The following TENM3 variants were observed in gnomAD, a reference collection of about 807,000 sequenced individuals.
The protein encoded by TENM3 is teneurin-3.
Under a neutral mutation model 255.1 loss-of-function variants are expected in TENM3, and 63 were observed. The observed-to-expected ratio is 0.25, with a 90% CI of 0.20 to 0.30. TENM3 has a LOEUF of 0.30. Ranked by LOEUF, TENM3 falls within the 10% of genes least tolerant of loss-of-function variation. The pLI is 1.00. For missense variants in TENM3, 2,929 were observed against 3,461.1 expected (o/e 0.85, Z 3.86); for synonymous variants, 1,306 against 1,322.3 (o/e 0.99, Z 0.27).
At chr4:181,826,989 G>C in the TENM3 span, among the ~76,000 whole-genome samples, 40 of 152,258 alleles carry the variant, frequency 2.6e-4, 1 homozygote, top group South Asian at 7.5e-3. Context: ...TCAGAACCAG[G>C]AGGCTATGCT....
chr4:182,705,088 G>A (rs1268144572), intron 12 of TENM3, among the ~76,000 whole-genome samples: 1 of 152,168 alleles, frequency 6.6e-6, no homozygotes, highest in Non-Finnish European at 1.5e-5. Flanking sequence ...CAGCAGTTAA[G>A]GAACATCAAA....
intron 1 of TENM3, among the ~76,000 whole-genome samples, chr4:182,186,353 A>G (rs1753150694): frequency 6.6e-6 from 1 of 152,174 alleles, no homozygotes; most frequent in Non-Finnish European, 1.5e-5. Flanking sequence ...TGTTTAAAAT[A>G]TATAAAATAT....
chr4:181,909,465 C>G, the TENM3 span, among the ~76,000 whole-genome samples: 1 of 152,212 alleles, frequency 6.6e-6, no homozygotes, highest in African/African-American at 2.4e-5. Context: ...TCACCTTGGG[C>G]AAATCATCAG....
chr4:182,584,861 C>G (rs559821253), intron 3 of TENM3, among the ~76,000 whole-genome samples: 1 of 152,002 alleles, frequency 6.6e-6, no homozygotes, highest in Non-Finnish European at 1.5e-5. Context: ...AGGCCGGTCT[C>G]GATCTCCTGA....
chr4:182,376,799 G>A (rs1192097713), intron 3 of TENM3, among the ~76,000 whole-genome samples: 2 of 151,888 alleles, frequency 1.3e-5, no homozygotes, highest in Admixed American at 1.3e-4. Context: ...TTTTACCTGG[G>A]TTGAATCAGA....
At chr4:181,740,213 A>G in the TENM3 span, among the ~76,000 whole-genome samples, 1 of 152,320 alleles carries the variant, frequency 6.6e-6, no homozygotes, top group South Asian at 2.1e-4. Flanking sequence ...TATGGACAGA[A>G]CCGTTTGCTA....
At chr4:182,728,850 A>G (rs1397453274) in intron 13 of TENM3, 115 bp from the exon 14 acceptor site, 2 of 741,710 alleles carry the variant, frequency 2.7e-6, no homozygotes, top group African/African-American at 3.7e-5. Flanking sequence ...ACTATCAGAT[A>G]GTCGGGAGAA....
At chr4:182,011,466 A>G in the TENM3 span, among the ~76,000 whole-genome samples, 1 of 152,270 alleles carries the variant, frequency 6.6e-6, no homozygotes, top group African/African-American at 2.4e-5. Flanking sequence ...CCCACATCCA[A>G]TTTTGCTTCA....
the TENM3 span, among the ~76,000 whole-genome samples, chr4:181,650,231 T>C: frequency 2.0e-5 from 3 of 152,324 alleles, no homozygotes; most frequent in East Asian, 3.9e-4. Flanking sequence ...AAGACCTACA[T>C]GAGTCAGCAA....
chr4:181,880,349 AAT>A, the TENM3 span, among the ~76,000 whole-genome samples: 1 of 152,246 alleles, frequency 6.6e-6, no homozygotes, highest in Non-Finnish European at 1.5e-5. Flanking sequence ...AATATTAACA[AAT>A]ATGTAAATAT....
chr4:182,551,284 A>G (rs1741984400), intron 3 of TENM3, among the ~76,000 whole-genome samples: 1 of 151,992 alleles, frequency 6.6e-6, no homozygotes, highest in African/African-American at 2.4e-5. Context: ...TAATAACACG[A>G]AGATGATGAA....
At chr4:181,638,273 A>G in the TENM3 span, among the ~76,000 whole-genome samples, 1 of 152,324 alleles carries the variant, frequency 6.6e-6, no homozygotes, top group East Asian at 1.9e-4. Flanking sequence ...TAAATCACGA[A>G]TAAGTGGGCA....
chr4:182,546,527 A>G (rs1229932350), intron 3 of TENM3, among the ~76,000 whole-genome samples: 1 of 152,128 alleles, frequency 6.6e-6, no homozygotes, highest in South Asian at 2.1e-4. Flanking sequence ...CCTCAACCTC[A>G]TGGGCTCGAG....
intron 12 of TENM3, among the ~76,000 whole-genome samples, chr4:182,691,044 C>A (rs939916239): frequency 5.9e-5 from 9 of 152,174 alleles, no homozygotes; most frequent in African/African-American, 2.2e-4. Context: ...TGAGTTATTT[C>A]CAATTTTGGC....
the TENM3 span, among the ~76,000 whole-genome samples, chr4:181,936,373 C>T: frequency 2.3e-3 from 356 of 152,118 alleles, 2 homozygotes; most frequent in African/African-American, 8.2e-3. Flanking sequence ...CCAGCCTGGG[C>T]GACAGGGTGA....
the TENM3 span, among the ~76,000 whole-genome samples, chr4:181,751,431 A>C: frequency 6.6e-6 from 1 of 151,852 alleles, no homozygotes; most frequent in Non-Finnish European, 1.5e-5. Context: ...AAAAAAAAAA[A>C]AACAAGAAAC....
At chr4:182,585,897 G>A (rs1247851370) in intron 3 of TENM3, among the ~76,000 whole-genome samples, 1 of 152,332 alleles carries the variant, frequency 6.6e-6, no homozygotes, top group Non-Finnish European at 1.5e-5. Context: ...CCTAGTGGCA[G>A]TGAGCATCTT....
chr4:181,960,121 A>G, the TENM3 span, among the ~76,000 whole-genome samples: 1 of 152,254 alleles, frequency 6.6e-6, no homozygotes, highest in East Asian at 1.9e-4. Flanking sequence ...ACATCTTTTA[A>G]AAGAAAAATA....
chr4:181,796,741 G>A, the TENM3 span, among the ~76,000 whole-genome samples: 1 of 152,318 alleles, frequency 6.6e-6, no homozygotes, highest in Non-Finnish European at 1.5e-5. Context: ...AAGACTATGA[G>A]CAGTTTGGAA....
Sources: allele counts gnomAD v4.1 joint callset (sites outside exome capture counted in the v4.1 genomes callset), GRCh38; gene constraint gnomAD v4.1.1; transcripts MANE v1.5; gene names NCBI Gene and HGNC (gene_info 2026-07-23, HGNC 2026-07-21).